BEND7: variants seen among roughly 807,000 people sequenced by gnomAD.
BEND7 encodes the protein BEN domain containing 7, also known as BEN domain-containing protein 7.
BEND7 carries 28 observed loss-of-function variants against 50.9 expected under a neutral mutation model. The observed-to-expected ratio is 0.55, with a 90% CI of 0.41 to 0.75. The LOEUF (loss-of-function observed/expected upper bound fraction) is 0.75, where lower values mean the gene tolerates loss of function less well. Ranked by LOEUF, BEND7 falls within the 30% of genes least tolerant of loss-of-function variation. BEND7 has a pLI of 0.00. For missense variants in BEND7, 477 were observed against 491.3 expected, an observed-to-expected ratio of 0.97 and a Z score of 0.28; for synonymous variants, 170 against 183.9, an observed-to-expected ratio of 0.92 and a Z score of 0.61.
At chr10:13,468,743 G>A (rs1200208702) in intron 6 of BEND7, among the ~76,000 whole-genome samples, 2 of 152,238 alleles carry the variant, frequency 1.3e-5, no homozygotes, top group Admixed American at 6.5e-5. Flanking sequence ...AAAAGGAGTT[G>A]ATAGGGCCAG....
At chr10:13,451,754 T>TCCCCCCCC (rs141575572) in intron 7 of BEND7, among the ~76,000 whole-genome samples, 1 of 113,060 alleles carries the variant, frequency 8.8e-6, no homozygotes. Flanking sequence ...ATGCTATCCC[T>TCCCCCCCC]CCCCCTCCCC....
intron 8 of BEND7, chr10:13,446,956 T>C (rs1836469447): frequency 5.4e-6 from 2 of 369,042 alleles, no homozygotes; most frequent in South Asian, 6.2e-5. Flanking sequence ...TGAAATCTCA[T>C]TTCACGTTAA....
At chr10:13,511,999 A>G (rs1188371179) in intron 2 of BEND7, among the ~76,000 whole-genome samples, 1 of 152,222 alleles carries the variant, frequency 6.6e-6, no homozygotes, top group African/African-American at 2.4e-5. Flanking sequence ...CGTGTGAACT[A>G]GCTGGTACCT....
intron 4 of BEND7, among the ~76,000 whole-genome samples, chr10:13,494,542 T>C (rs2132062393): frequency 6.6e-6 from 1 of 152,358 alleles, no homozygotes; most frequent in Admixed American, 6.5e-5. Context: ...TTCCAGTGAT[T>C]CTGCTGTGCA....
chr10:13,447,567 G>T (rs375255720), intron 7 of BEND7, among the ~76,000 whole-genome samples: 1 of 129,050 alleles, frequency 7.7e-6, no homozygotes, highest in African/African-American at 2.9e-5. Flanking sequence ...TTTTTGAGAC[G>T]GAGTCTCGCT....
Position 13,492,786 on chromosome 10 carries a change from A to G in BEND7, c.662T>C (p.Val221Ala). The G allele has an allele frequency of 6.2e-7, 1 of 1,608,392 alleles. No individual in the cohort carries two copies. The highest frequency in any genetic ancestry group is 8.5e-7 in the Non-Finnish European group (1 of 1,178,802). The change falls in exon 5 of 9, where the codon GTG becomes GCG. Residue 221 changes from valine to alanine, a missense_variant. Physicochemically the swap from Val to Ala is moderately conservative, Grantham distance 64 (BLOSUM62 0). Transcript: ENST00000466271. ...AAGAGGTTCCACAGTCTTTGGGGGCACTTTTTTCTTTTTATTTCTCTTTCG... is the reference window on the plus strand; with the variant it reads ...AAGAGGTTCCACAGTCTTTGGGGGCGCTTTTTTCTTTTTATTTCTCTTTCG... ...VSRKRNKKKKVPPKTVEPLTV... is the reference protein window; with the variant it reads ...VSRKRNKKKKAPPKTVEPLTV...
At chr10:13,461,458 C>G (rs1840176925) in intron 6 of BEND7, among the ~76,000 whole-genome samples, 1 of 152,220 alleles carries the variant, frequency 6.6e-6, no homozygotes, top group African/African-American at 2.4e-5. Flanking sequence ...GGCAGCCAGG[C>G]ACAGTGGCTC....
intron 6 of BEND7, 106 bp downstream of exon 6, chr10:13,480,793 A>G: frequency 6.5e-7 from 1 of 1,534,338 alleles, no homozygotes; most frequent in Non-Finnish European, 8.8e-7. Context: ...TGGCAATGGC[A>G]AATGAAACTG....
At chr10:13,528,447 C>T (rs1300424903) in intron 1 of BEND7, 26 bp downstream of exon 1, 7 of 1,002,208 alleles carry the variant, frequency 7.0e-6, no homozygotes, top group African/African-American at 5.3e-5. Context: ...CCGCTGCCTG[C>T]CCCCGCCGCC....
chr10:13,518,262 G>A (rs1305310259), intron 2 of BEND7, among the ~76,000 whole-genome samples: 1 of 151,992 alleles, frequency 6.6e-6, no homozygotes, highest in Non-Finnish European at 1.5e-5. Context: ...CAGGACAGCT[G>A]CTGCCCCCAT....
At position 13,528,622 on chromosome 10, in the gene BEND7, G is replaced by T; in HGVS notation, c.-89C>A. 3 of 709,278 alleles carry T rather than the reference G, an allele frequency of 4.2e-6. No individual in the cohort carries two copies. The highest frequency in any genetic ancestry group is 5.2e-6 in the Non-Finnish European group (3 of 581,942). 43.9% of individuals were successfully genotyped at this position (709,278 alleles called of 1,614,324 possible). Reference sequence around the variant, plus strand: ...GCAGCGGCAGCGGCGGCGCGGGCTCGTGTCACCGCGGCGGAGCCGCCGGGA... The same window carrying T: ...GCAGCGGCAGCGGCGGCGCGGGCTCTTGTCACCGCGGCGGAGCCGCCGGGA... On this transcript the variant is annotated 5_prime_UTR_variant, in exon 1 of 9. Coordinates refer to ENST00000466271, the MANE Select transcript of BEND7 (RefSeq NM_001369863.1).
rs2077313251 is a variant in BEND7, at chr10:13,499,873, T to C, written c.353A>G (p.Asn118Ser). 2 of 1,614,162 alleles carry C rather than the reference T, an allele frequency of 1.2e-6. No homozygotes were observed. The highest frequency in any genetic ancestry group is 4.5e-5 in the East Asian group (2 of 44,866). The part of the protein sequence containing the change: ...SLHPSSRGVW[N>S]ELPPQSGQFS... ...CTGTCCACTCTGGGGCGGTAGCTCATTCCACACACCACGTGAAGACGGGTG... is the reference window on the plus strand; with the variant it reads ...CTGTCCACTCTGGGGCGGTAGCTCACTCCACACACCACGTGAAGACGGGTG... Residue 118 changes from asparagine to serine, a missense_variant, in exon 3 of 9, where the codon AAT becomes AGT. Coordinates refer to ENST00000466271, the MANE Select transcript of BEND7 (RefSeq NM_001369863.1).
chr10:13,492,234 C>T (rs7916672), intron 5 of BEND7, among the ~76,000 whole-genome samples: 84,514 of 151,892 alleles, frequency 0.56, 23,907 homozygotes, highest in African/African-American at 0.61. Context: ...CAGAAAGGTG[C>T]GATCTTATCT....
intron 6 of BEND7, among the ~76,000 whole-genome samples, chr10:13,472,858 C>T (rs992804430): frequency 6.6e-6 from 1 of 151,226 alleles, no homozygotes; most frequent in South Asian, 2.1e-4. Context: ...CTGTTAGACT[C>T]GGGGTCGATA....
At chr10:13,501,447 G>C (rs1253113291) in intron 2 of BEND7, among the ~76,000 whole-genome samples, 1 of 151,088 alleles carries the variant, frequency 6.6e-6, no homozygotes, top group Admixed American at 6.6e-5. Flanking sequence ...GCTGATATCT[G>C]TTAGGAGCTA....
chr10:13,474,487 C>T lies in BEND7; in HGVS notation c.1063+6412G>A, dbSNP rs147306428. On this transcript the variant is annotated intron_variant, in intron 6 of 8. Transcript: ENST00000466271. The stretch of plus-strand genomic sequence containing the variant: ...CAATACCCGTCATCACTGTTACACT[C>T]GGGGCCGATACCCGTCACCGCTGTT... Among the ~76,000 whole-genome samples the T allele has an allele frequency of 6.3e-3, 964 of 152,202 alleles. 12 individuals carry two copies. The highest frequency in any genetic ancestry group is 0.021 in the African/African-American group (862 of 41,524).
chr10:13,446,784 C>T (rs892511893), intron 8 of BEND7: 6 of 178,494 alleles, frequency 3.4e-5, no homozygotes, highest in African/African-American at 7.2e-5. Context: ...GTGCCACTCA[C>T]GCCGGATGGC....
At chr10:13,478,391 T>C (rs1291857737) in intron 6 of BEND7, among the ~76,000 whole-genome samples, 1 of 152,232 alleles carries the variant, frequency 6.6e-6, no homozygotes, top group Non-Finnish European at 1.5e-5. Context: ...CAGCATTTCT[T>C]AAGGTAGCAT....
intron 6 of BEND7, among the ~76,000 whole-genome samples, chr10:13,471,154 T>C (rs75853907): frequency 0.02 from 3,065 of 152,340 alleles, 110 homozygotes; most frequent in African/African-American, 0.07. Context: ...TATTCTGTCC[T>C]GGAGCATGGC....
Sources: gnomAD v4.1 joint callset for allele counts (sites outside exome capture counted in the v4.1 genomes callset) on GRCh38, gnomAD v4.1.1 for gene constraint, MANE v1.5 for transcripts, NCBI Gene and HGNC (gene_info 2026-07-23, HGNC 2026-07-21) for gene names.